The following BCL2 variants were observed in gnomAD, a reference collection of about 807,000 sequenced individuals.
The protein encoded by BCL2 is BCL2 apoptosis regulator, also known as apoptosis regulator Bcl-2.
A neutral mutation model predicts 14.2 loss-of-function variants in BCL2; 1 was observed. The observed-to-expected ratio is 0.07, with a 90% CI of 0.02 to 0.33. The LOEUF (loss-of-function observed/expected upper bound fraction) is 0.33, where lower values mean the gene tolerates loss of function less well. Among genes scored for constraint, BCL2 ranks in the 10% least tolerant of loss-of-function variants. The pLI, the probability that BCL2 is intolerant of heterozygous loss-of-function variation, is 0.99. For synonymous variants in BCL2, 151 were observed against 137.2 expected, an observed-to-expected ratio of 1.10 and a Z score of -0.70; for missense variants, 247 against 305.9, an observed-to-expected ratio of 0.81 and a Z score of 1.44.
At chr18:63,169,910 A>G (rs1471476256) in intron 2 of BCL2, among the ~76,000 whole-genome samples, 1 of 152,162 alleles carries the variant, frequency 6.6e-6, no homozygotes, top group Non-Finnish European at 1.5e-5. Flanking sequence ...AAGAATAGAG[A>G]TGATCCTTTA....
At chr18:63,260,707 A>G (rs1035039775) in intron 2 of BCL2, among the ~76,000 whole-genome samples, 1 of 76,320 alleles carries the variant, frequency 1.3e-5, no homozygotes, top group Non-Finnish European at 3.6e-5. Flanking sequence ...TAAAAATGGA[A>G]AAAAAAAAGT....
At chr18:63,285,725 G>T (rs1407707917) in intron 2 of BCL2, among the ~76,000 whole-genome samples, 1 of 152,196 alleles carries the variant, frequency 6.6e-6, no homozygotes, top group African/African-American at 2.4e-5. Flanking sequence ...GGGAGAGGGT[G>T]CACCGTTTCC....
chr18:63,297,250 A>G (rs1912824498), intron 2 of BCL2, among the ~76,000 whole-genome samples: 1 of 152,228 alleles, frequency 6.6e-6, no homozygotes. Context: ...TGGGAACCAC[A>G]TATGTAATTT....
chr18:63,199,950 G>A (rs987613192), intron 2 of BCL2, among the ~76,000 whole-genome samples: 28 of 150,018 alleles, frequency 1.9e-4, no homozygotes, highest in Admixed American at 6.0e-4. Context: ...ACACACACAC[G>A]CACACACACA....
At chr18:63,176,244 G>A (rs1348795122) in intron 2 of BCL2, among the ~76,000 whole-genome samples, 1 of 152,226 alleles carries the variant, frequency 6.6e-6, no homozygotes, top group African/African-American at 2.4e-5. Context: ...CTATAATGAT[G>A]AGACCTAACC....
Position 63,197,591 on chromosome 18 carries a change from G to A in BCL2, c.586-68832C>T, listed in dbSNP as rs116159441. ...CTACAGTTGACTCCCCCATGTCCACGTCTGCTCAATCAGGGGAACGGTCAC... is the reference window on the plus strand; with the variant it reads ...CTACAGTTGACTCCCCCATGTCCACATCTGCTCAATCAGGGGAACGGTCAC... On this transcript the variant is annotated intron_variant, in intron 2 of 2. Transcript: ENST00000333681. 7.9e-3 allele frequency among the ~76,000 whole-genome samples: 1,205 copies of A among 152,092 alleles called. 17 individuals are homozygous for A. Among genetic ancestry groups the A allele is most frequent in the African/African-American group, 0.028 (1,146 of 41,450 alleles).
intron 2 of BCL2, among the ~76,000 whole-genome samples, chr18:63,186,297 CAT>C (rs1915592481): frequency 1.3e-5 from 2 of 152,224 alleles, no homozygotes; most frequent in South Asian, 2.1e-4. Context: ...TTATTATACA[CAT>C]GTGACTAATG....
chr18:63,186,145 A>T (rs1389071155), intron 2 of BCL2, among the ~76,000 whole-genome samples: 1 of 152,204 alleles, frequency 6.6e-6, no homozygotes, highest in East Asian at 1.9e-4. Context: ...ACAATAAATT[A>T]TCACTAGCTC....
intron 2 of BCL2, among the ~76,000 whole-genome samples, chr18:63,272,982 C>T (rs891369233): frequency 5.4e-5 from 8 of 147,840 alleles, no homozygotes; most frequent in Non-Finnish European, 1.2e-4. Flanking sequence ...AGCTTGTTTA[C>T]AACCCAGTCT....
chr18:63,298,428 C>T (rs1298761074), intron 2 of BCL2, among the ~76,000 whole-genome samples: 10 of 152,206 alleles, frequency 6.6e-5, no homozygotes, highest in Admixed American at 3.3e-4. Context: ...GCCTCTCCTC[C>T]TTTTAGCTAG....
chr18:63,149,949 G>A lies in BCL2; in HGVS notation c.586-21190C>T, dbSNP rs1437360071. The stretch of plus-strand genomic sequence containing the variant: ...GGCTGGAGTGCAGTGGTGCGATCTC[G>A]GCTCACTGCAGCCTCTGCCTCCCAG... On this transcript the variant is annotated intron_variant, in intron 2 of 2. Transcript: ENST00000333681. The surrounding 1 kb of genome is among the most constrained non-coding windows in gnomAD (Gnocchi z 4.2). 6.6e-6 allele frequency among the ~76,000 whole-genome samples: 1 copy of A among 151,778 alleles called. No individual in the cohort carries two copies. Among genetic ancestry groups the A allele is most frequent in the East Asian group, 1.9e-4 (1 of 5,156 alleles).
At chr18:63,162,231 C>T (rs535948101) in intron 2 of BCL2, among the ~76,000 whole-genome samples, 4 of 152,162 alleles carry the variant, frequency 2.6e-5, no homozygotes, top group African/African-American at 9.6e-5. Context: ...GAGAAAACTC[C>T]ACAAAAATTG....
At chr18:63,319,932 G>C (rs1913647229), upstream of BCL2, 1 of 165,442 alleles carries the variant, frequency 6.0e-6, no homozygotes, top group South Asian at 2.0e-4. Context: ...GGTCCTGCGC[G>C]GCGGCGCTGG....
intron 2 of BCL2, among the ~76,000 whole-genome samples, chr18:63,148,602 A>T (rs559762456): frequency 6.6e-6 from 1 of 152,260 alleles, no homozygotes; most frequent in East Asian, 1.9e-4. Context: ...ATGCAATGAG[A>T]TACTGTGAAG....
At chr18:63,163,134 C>T (rs1914964412) in intron 2 of BCL2, among the ~76,000 whole-genome samples, 1 of 152,178 alleles carries the variant, frequency 6.6e-6, no homozygotes. Context: ...GTGTGAGTCA[C>T]CATGGCTGGC....
At chr18:63,308,281 G>T (rs1199648515) in intron 2 of BCL2, among the ~76,000 whole-genome samples, 1 of 152,100 alleles carries the variant, frequency 6.6e-6, no homozygotes, top group East Asian at 1.9e-4. Context: ...AAGAACGAGG[G>T]GATCATTTAT....
At chr18:63,260,223 C>T (rs918181996) in intron 2 of BCL2, among the ~76,000 whole-genome samples, 2 of 152,152 alleles carry the variant, frequency 1.3e-5, no homozygotes, top group African/African-American at 4.8e-5. Context: ...CATGAAACAC[C>T]TAATTTTCCT....
At chr18:63,294,759 G>A (rs1431881538) in intron 2 of BCL2, among the ~76,000 whole-genome samples, 1 of 152,090 alleles carries the variant, frequency 6.6e-6, no homozygotes, top group African/African-American at 2.4e-5. Flanking sequence ...ATAAGACAGG[G>A]AAAATCCTTC....
intron 2 of BCL2, among the ~76,000 whole-genome samples, chr18:63,240,859 G>A (rs1338048007): frequency 6.6e-6 from 1 of 152,216 alleles, no homozygotes; most frequent in Non-Finnish European, 1.5e-5. Flanking sequence ...GGAAATTAGA[G>A]ACTGATGTAC....
Sources: gnomAD v4.1 joint callset for allele counts (sites outside exome capture counted in the v4.1 genomes callset) on GRCh38, gnomAD v4.1.1 for gene constraint, Gnocchi (gnomAD v3.1) non-coding constraint, MANE v1.5 for transcripts, NCBI Gene and HGNC (gene_info 2026-07-23, HGNC 2026-07-21) for gene names.